SYNPR: variants seen among roughly 807,000 people sequenced by gnomAD.
The protein encoded by SYNPR is synaptoporin.
A neutral mutation model predicts 32.9 loss-of-function variants in SYNPR; 23 were observed. The observed-to-expected ratio is 0.70, with a 90% confidence interval of 0.50 to 0.99. The LOEUF (loss-of-function observed/expected upper bound fraction) is 0.99, where lower values mean the gene tolerates loss of function less well. Ranked by LOEUF, SYNPR falls within the 50% of genes least tolerant of loss-of-function variation. The pLI is 0.00. For missense variants in SYNPR, 318 were observed against 349.3 expected (o/e 0.91, Z 0.71); for synonymous variants, 146 against 135.9 (o/e 1.07, Z -0.52).
intron 2 of SYNPR, among the ~76,000 whole-genome samples, chr3:63,388,079 C>G (rs11714336): frequency 0.2 from 30,693 of 152,036 alleles, 3,790 homozygotes; most frequent in Non-Finnish European, 0.27. Flanking sequence ...CCTCAGAGCT[C>G]TTTCCAGCTG....
intron 3 of SYNPR, among the ~76,000 whole-genome samples, chr3:63,485,756 G>C (rs952425015): frequency 6.6e-6 from 1 of 151,978 alleles, no homozygotes; most frequent in Non-Finnish European, 1.5e-5. Context: ...ATAAATTTAC[G>C]ACCTTGGTTG....
chr3:63,522,110 G>A (rs537309783), intron 3 of SYNPR, among the ~76,000 whole-genome samples: 28 of 152,330 alleles, frequency 1.8e-4, no homozygotes, highest in African/African-American at 6.3e-4. Context: ...ATAAACTCAT[G>A]GACTTACTGA....
chr3:63,495,359 T>A (rs905974484), intron 3 of SYNPR, among the ~76,000 whole-genome samples: 8 of 152,142 alleles, frequency 5.3e-5, no homozygotes, highest in Admixed American at 2.0e-4. Context: ...CAGATACTAA[T>A]CAAAAAACCT....
chr3:63,452,139 C>T (rs1185647295), intron 2 of SYNPR: 10 of 701,746 alleles, frequency 1.4e-5, no homozygotes, highest in East Asian at 2.7e-5. Flanking sequence ...CTTATTTGCT[C>T]ACTCATTCAT....
chr3:63,595,584 TA>T (rs1417228385), intron 4 of SYNPR, among the ~76,000 whole-genome samples: 1 of 150,212 alleles, frequency 6.7e-6, no homozygotes, highest in African/African-American at 2.4e-5. Context: ...TTCTTACTCA[TA>T]AAATACAAAC....
At chr3:63,283,841 G>A (rs543352512) in intron 2 of SYNPR, among the ~76,000 whole-genome samples, 9 of 129,500 alleles carry the variant, frequency 6.9e-5, no homozygotes, top group Middle Eastern at 4.4e-3. Context: ...TTTTTGAGAC[G>A]GAGTCTCGCT....
chr3:63,443,274 A>C (rs1700213862), intron 2 of SYNPR: 3 of 1,446,074 alleles, frequency 2.1e-6, no homozygotes, highest in Non-Finnish European at 2.7e-6. Flanking sequence ...CTGCTATCTG[A>C]TTGGTATAAC....
At chr3:63,382,955 C>T (rs1159814535) in intron 2 of SYNPR, among the ~76,000 whole-genome samples, 1 of 152,002 alleles carries the variant, frequency 6.6e-6, no homozygotes, top group Non-Finnish European at 1.5e-5. Flanking sequence ...ATTCTATCTC[C>T]TCTGTTACTA....
rs1245324213 is a variant in SYNPR, at chr3:63,615,207, C to T, written c.601-17C>T. 1.2e-6 allele frequency: 2 copies of T among 1,610,548 alleles called. No homozygotes were observed. Among genetic ancestry groups the T allele is most frequent in the East Asian group, 4.5e-5 (2 of 44,824 alleles). On this transcript the variant is annotated splice_polypyrimidine_tract_variant and intron_variant, in intron 5 of 5. Transcript: ENST00000478300. Reference sequence around the variant, plus strand: ...TTTGTCTAGTCTATCAATTCATTGGCTTTGATTCTCCTTCAGGTCTTTGGA... The same window carrying T: ...TTTGTCTAGTCTATCAATTCATTGGTTTTGATTCTCCTTCAGGTCTTTGGA...
chr3:63,256,932 C>T (rs959112205), intron 2 of SYNPR, among the ~76,000 whole-genome samples: 5 of 152,248 alleles, frequency 3.3e-5, no homozygotes, highest in Middle Eastern at 6.8e-3. Context: ...GCACAAGCCT[C>T]AGCAGCCAAT....
intron 3 of SYNPR, among the ~76,000 whole-genome samples, chr3:63,486,943 G>A (rs2106708030): frequency 6.6e-6 from 1 of 152,232 alleles, no homozygotes; most frequent in African/African-American, 2.4e-5. Flanking sequence ...TGAGATTTTG[G>A]AGGTGCTGCA....
chr3:63,251,425 G>C (rs2086330128), intron 1 of SYNPR, among the ~76,000 whole-genome samples: 1 of 152,164 alleles, frequency 6.6e-6, no homozygotes, highest in African/African-American at 2.4e-5. Flanking sequence ...AGGGGTTCAA[G>C]AGTGGGAGGT....
At chr3:63,262,036 A>AC (rs2086442452) in intron 2 of SYNPR, among the ~76,000 whole-genome samples, 1 of 152,208 alleles carries the variant, frequency 6.6e-6, no homozygotes, top group African/African-American at 2.4e-5. Flanking sequence ...ATAAAAAAAA[A>AC]AACAAACTCA....
chr3:63,208,975 A>G, the SYNPR span, among the ~76,000 whole-genome samples: 1 of 152,208 alleles, frequency 6.6e-6, no homozygotes, highest in African/African-American at 2.4e-5. Context: ...TCCACAGGAT[A>G]CAATTCCCAG....
chr3:63,588,143 T>G (rs1214781793), intron 4 of SYNPR, among the ~76,000 whole-genome samples: 1 of 152,150 alleles, frequency 6.6e-6, no homozygotes, highest in Non-Finnish European at 1.5e-5. Context: ...AGTTTGTGTC[T>G]GTTTGTGTGA....
intron 2 of SYNPR, among the ~76,000 whole-genome samples, chr3:63,298,030 T>A (rs1484926856): frequency 6.6e-6 from 1 of 152,192 alleles, no homozygotes; most frequent in Non-Finnish European, 1.5e-5. Flanking sequence ...GAAAGCGGGC[T>A]AGGGAACTAT....
chr3:63,263,507 C>A (rs187934815), intron 2 of SYNPR, among the ~76,000 whole-genome samples: 1 of 152,190 alleles, frequency 6.6e-6, no homozygotes, highest in African/African-American at 2.4e-5. Flanking sequence ...CAACAACAGT[C>A]ATTTATTTAG....
intron 2 of SYNPR, among the ~76,000 whole-genome samples, chr3:63,257,888 T>C (rs1228155624): frequency 6.6e-6 from 1 of 151,570 alleles, no homozygotes; most frequent in African/African-American, 2.4e-5. Context: ...ACCAAGCAAA[T>C]GGAAAACAAA....
At chr3:63,578,206 T>G (rs1390436) in intron 4 of SYNPR, among the ~76,000 whole-genome samples, 3 of 151,928 alleles carry the variant, frequency 2.0e-5, no homozygotes, top group African/African-American at 7.2e-5. Flanking sequence ...CCAGCGTAGG[T>G]CCTGGACCTC....
Sources: gnomAD v4.1 joint callset for allele counts (sites outside exome capture counted in the v4.1 genomes callset) on GRCh38, gnomAD v4.1.1 for gene constraint, MANE v1.5 for transcripts, NCBI Gene and HGNC (gene_info 2026-07-23, HGNC 2026-07-21) for gene names.